The following TTBK1 variants were observed in gnomAD, a reference collection of about 807,000 sequenced individuals.
TTBK1 encodes the protein tau-tubulin kinase 1.
In TTBK1, 34 loss-of-function variants were observed where a neutral mutation model predicts 108.5. That is an observed-to-expected ratio of 0.31 (90% CI 0.24 to 0.42). The LOEUF (loss-of-function observed/expected upper bound fraction) is 0.42, where lower values mean the gene tolerates loss of function less well. Among genes scored for constraint, TTBK1 ranks in the 10% least tolerant of loss-of-function variants. TTBK1 has a pLI of 1.00. For missense variants in TTBK1, 1,539 were observed against 1,826.0 expected (o/e 0.84, Z 2.86); for synonymous variants, 809 against 795.1 (o/e 1.02, Z -0.29).
intron 13 of TTBK1, among the ~76,000 whole-genome samples, chr6:43,274,366 TC>T (rs1777909449): frequency 6.6e-6 from 1 of 152,148 alleles, no homozygotes; most frequent in Non-Finnish European, 1.5e-5. Flanking sequence ...CCTGCCTAGA[TC>T]CCTTTTTCTG....
At chr6:43,246,326 C>T (rs926564536) in intron 1 of TTBK1, among the ~76,000 whole-genome samples, 1 of 152,224 alleles carries the variant, frequency 6.6e-6, no homozygotes, top group African/African-American at 2.4e-5. Context: ...TTCCTGGCAT[C>T]AGTTAGAGTA....
chr6:43,249,077 A>G (rs1777172094), intron 2 of TTBK1, among the ~76,000 whole-genome samples: 1 of 152,138 alleles, frequency 6.6e-6, no homozygotes, highest in Non-Finnish European at 1.5e-5. Context: ...AGTAGGTGTC[A>G]TGGGCTGATT....
chr6:43,277,905 C>T lies in TTBK1; in HGVS notation c.1987-4822C>T, dbSNP rs532335477. On this transcript the variant is annotated intron_variant, in intron 13 of 14. Coordinates refer to ENST00000259750, the MANE Select transcript of TTBK1 (RefSeq NM_032538.3). ...GAGGAGGTGGGAGGCATGCACGAGGCAGTTTCTGAGAGAGGAGGAGGAACT... is the reference window on the plus strand; with the variant it reads ...GAGGAGGTGGGAGGCATGCACGAGGTAGTTTCTGAGAGAGGAGGAGGAACT... Among the ~76,000 whole-genome samples, 433 of 152,298 alleles carry T rather than the reference C, an allele frequency of 2.8e-3. 1 individual carries two copies. Among genetic ancestry groups the T allele is most frequent in the African/African-American group, 9.7e-3 (401 of 41,552 alleles).
intron 13 of TTBK1, chr6:43,272,188 G>C (rs1284026295): frequency 3.0e-6 from 3 of 985,294 alleles, no homozygotes; most frequent in Admixed American, 6.1e-5. Flanking sequence ...GTCAGCAGCA[G>C]TGTGGGCAAG....
chr6:43,252,715 C>A, intron 2 of TTBK1, 24 bp from the exon 3 acceptor site: 1 of 1,613,398 alleles, frequency 6.2e-7, no homozygotes, highest in Non-Finnish European at 8.5e-7. Context: ...TCCCTGAGCA[C>A]CCCCTATCCC....
Position 43,273,892 on chromosome 6 carries a change from TCTGTCCAGGG to T in TTBK1, c.1987-8831_1987-8822del, listed in dbSNP as rs1192960214. Among the ~76,000 whole-genome samples, 1 of 152,122 alleles carries T rather than the reference TCTGTCCAGGG, an allele frequency of 6.6e-6. No homozygotes were observed. The highest frequency in any genetic ancestry group is 1.5e-5 in the Non-Finnish European group (1 of 68,034). ...AGCCTGAGGACTTCCTGCACCACCC[TCTGTCCAGGG>T]CTGCAGCACTCAAAGGCGACAGTGT... is the stretch of plus-strand genomic sequence containing the variant. On this transcript the variant is annotated intron_variant, in intron 13 of 14. Transcript: ENST00000259750. This position sits in a 1 kb window ranked among gnomAD's most constrained non-coding sequence, Gnocchi z 4.2.
At chr6:43,278,413 C>T (rs552674073) in intron 13 of TTBK1, among the ~76,000 whole-genome samples, 5 of 152,256 alleles carry the variant, frequency 3.3e-5, no homozygotes, top group South Asian at 4.1e-4. Context: ...TCCCCACAGC[C>T]GAACCCTTAC....
chr6:43,271,442 A>G (rs1316594595), intron 13 of TTBK1: 8 of 985,314 alleles, frequency 8.1e-6, no homozygotes, highest in Non-Finnish European at 8.4e-6. Context: ...GTGTATGCAC[A>G]TGTGTGTTAG....
intron 13 of TTBK1, among the ~76,000 whole-genome samples, chr6:43,279,476 A>C (rs570332469): frequency 3.4e-4 from 51 of 152,148 alleles, no homozygotes; most frequent in African/African-American, 1.1e-3. Flanking sequence ...ACATGCTCAG[A>C]GCTCTCTGTC....
Position 43,243,792 on chromosome 6 carries a change from C to G in TTBK1, c.-55+84C>G, listed in dbSNP as rs1777017533. The G allele has an allele frequency of 6.6e-6, 1 of 152,316 alleles. No homozygotes were observed. The highest frequency in any genetic ancestry group is 1.5e-5 in the Non-Finnish European group (1 of 68,112). 9.4% of individuals were successfully genotyped at this position (152,316 alleles called of 1,614,324 possible). ...GCTCCGCCTGGCTCGCCTCCCAGCGCAGCCTTCTTGGGCTCCCCTCCGCGC... is the reference window on the plus strand; with the variant it reads ...GCTCCGCCTGGCTCGCCTCCCAGCGGAGCCTTCTTGGGCTCCCCTCCGCGC... On this transcript the variant is annotated intron_variant, in intron 1 of 14. Transcript: ENST00000259750. The surrounding 1 kb of genome is among the most constrained non-coding windows in gnomAD (Gnocchi z 5.5).
In TTBK1 at chr6:43,259,680, C is replaced by T. The variant is rs147903107; in HGVS notation, c.1398C>T (p.Asp466=). 1.8e-5 allele frequency: 28 copies of T among 1,599,218 alleles called. No homozygotes were observed. The African/African-American group carries it at 2.8e-4, about 16-fold the overall frequency. The stretch of plus-strand genomic sequence containing the variant: ...AGTCAGAAAGGCTGTCCACGGCGGA[C>T]GGGCGAGTGGAGCTACCTGAGAGGA... The part of the protein sequence containing the change: ...SPESERLSTA[D]GRVELPERRS... The change falls in exon 12 of 15, where the codon GAC becomes GAT. Residue 466 remains aspartate (D), a synonymous_variant. Transcript: ENST00000259750. The surrounding 1 kb of genome is among the most constrained non-coding windows in gnomAD (Gnocchi z 6.7).
At position 43,246,633 on chromosome 6, in the gene TTBK1, G is replaced by A. The variant is rs754189744; in HGVS notation, c.-28G>A. 2 of 1,571,624 alleles carry A rather than the reference G, an allele frequency of 1.3e-6. No homozygotes were observed. The highest frequency in any genetic ancestry group is 1.7e-6 in the Non-Finnish European group (2 of 1,154,888). ...TAGATGGCCCCCTCAGGGCAGGCCC[G>A]GCGGACACCCCTCCCTCTGGCTGGC... On this transcript the variant is annotated 5_prime_UTR_variant, in exon 2 of 15. Transcript: ENST00000259750.
intron 6 of TTBK1, 74 bp downstream of exon 6, chr6:43,254,725 T>C: frequency 7.2e-7 from 1 of 1,381,258 alleles, no homozygotes; most frequent in Non-Finnish European, 9.9e-7. Flanking sequence ...CTTCACCCAC[T>C]TTTCTTACAG....
In TTBK1 at chr6:43,265,338, G is replaced by C. The variant is rs1333971775; in HGVS notation, c.1986+1988G>C. Among the ~76,000 whole-genome samples the C allele has an allele frequency of 6.6e-6, 1 of 152,204 alleles. No individual in the cohort carries two copies. The highest frequency in any genetic ancestry group is 2.4e-5 in the African/African-American group (1 of 41,448). ...GCAGCTGTGGGCAGGAGTGTATGCA[G>C]ACCCCATCCCTATCTAGAGGTCCCT... On this transcript the variant is annotated intron_variant, in intron 13 of 14. Transcript: ENST00000259750. The surrounding 1 kb of genome is among the most constrained non-coding windows in gnomAD (Gnocchi z 4.1).
intron 5 of TTBK1, among the ~76,000 whole-genome samples, chr6:43,254,296 G>A (rs540838036): frequency 9.8e-5 from 15 of 152,376 alleles, no homozygotes; most frequent in Non-Finnish European, 1.5e-4. Flanking sequence ...CACTTGCTGT[G>A]TAATCTCAGA....
In TTBK1 at chr6:43,278,018, C is replaced by T. The variant is rs921019458; in HGVS notation, c.1987-4709C>T. Among the ~76,000 whole-genome samples, 23 of 152,318 alleles carry T rather than the reference C, an allele frequency of 1.5e-4. 1 individual carries two copies. In the East Asian group the frequency reaches 4.2e-3, roughly 28 times the overall value. ...CCTGCTTTCATCACACATCGCCTCC[C>T]AGCCCCACATCTTGGACTTTGGGAC... On this transcript the variant is annotated intron_variant, in intron 13 of 14. Coordinates refer to ENST00000259750, the MANE Select transcript of TTBK1 (RefSeq NM_032538.3).
rs1270273011 is a variant in TTBK1 at position 43,286,725 on chromosome 6, C to G, written c.*1349C>G. The G allele has an allele frequency of 1.3e-5, 2 of 152,600 alleles. No homozygotes were observed. The highest frequency in any genetic ancestry group is 2.9e-5 in the Non-Finnish European group (2 of 68,262). 9.5% of individuals were successfully genotyped at this position (152,600 alleles called of 1,614,324 possible). A position where few individuals can be genotyped will look rare whatever the true frequency, so the allele number is the denominator to read the frequency against. On this transcript the variant is annotated 3_prime_UTR_variant, in exon 15 of 15. Transcript: ENST00000259750. The surrounding 1 kb of genome is among the most constrained non-coding windows in gnomAD (Gnocchi z 4.6). Reference sequence around the variant, plus strand: ...TACTCCAGGAATGGATGTGGGGACTCTTCCTGGGTTCTGGCTCCTGCATAG... The same window carrying G: ...TACTCCAGGAATGGATGTGGGGACTGTTCCTGGGTTCTGGCTCCTGCATAG...
rs1312645526 is a variant in TTBK1, at chr6:43,273,944, G to A, written c.1987-8783G>A. On this transcript the variant is annotated intron_variant, in intron 13 of 14. Transcript: ENST00000259750. The surrounding 1 kb of genome is among the most constrained non-coding windows in gnomAD (Gnocchi z 4.2). ...CGACAGTGTTCTTGCCCAGGAACTC[G>A]AACCTGGCCAGTGGGGATGTGTGGT... Among the ~76,000 whole-genome samples the A allele has an allele frequency of 6.6e-6, 1 of 152,144 alleles. No individual in the cohort carries two copies. Among genetic ancestry groups the A allele is most frequent in the Non-Finnish European group, 1.5e-5 (1 of 68,038 alleles).
chr6:43,273,608 G>A lies in TTBK1; in HGVS notation c.1987-9119G>A, dbSNP rs1777889353. On this transcript the variant is annotated intron_variant, in intron 13 of 14. Coordinates refer to ENST00000259750, the MANE Select transcript of TTBK1 (RefSeq NM_032538.3). This position sits in a 1 kb window ranked among gnomAD's most constrained non-coding sequence, Gnocchi z 4.2. ...ACTGGCATCTGTGAACACCGAATGG[G>A]TGTCACCAACTCGTACATCAACAAG... Among the ~76,000 whole-genome samples, 1 of 152,134 alleles carries A rather than the reference G, an allele frequency of 6.6e-6. No individual in the cohort carries two copies. Among genetic ancestry groups the A allele is most frequent in the African/African-American group, 2.4e-5 (1 of 41,384 alleles).
Sources: gnomAD v4.1 joint callset for allele counts (sites outside exome capture counted in the v4.1 genomes callset) on GRCh38, gnomAD v4.1.1 for gene constraint, Gnocchi (gnomAD v3.1) non-coding constraint, MANE v1.5 for transcripts, NCBI Gene and HGNC (gene_info 2026-07-23, HGNC 2026-07-21) for gene names.